The following CIMAP1D variants were observed in gnomAD, a reference collection of about 807,000 sequenced individuals.
The protein encoded by CIMAP1D is CIMAP1 family member D.
At chr19:466,702 T>C in the CIMAP1D span, among the ~76,000 whole-genome samples, 57 of 119,882 alleles carry the variant, frequency 4.8e-4, no homozygotes, top group East Asian at 8.2e-4. Flanking sequence ...GGATAGATGG[T>C]TGGGTGGAGG....
chr19:485,154 G>C, the CIMAP1D span, among the ~76,000 whole-genome samples: 1 of 152,138 alleles, frequency 6.6e-6, no homozygotes, highest in Non-Finnish European at 1.5e-5. Context: ...CTGCTGACCT[G>C]CTTAGTTGTT....
At chr19:474,678 C>T in the CIMAP1D span, 1 of 1,579,276 alleles carries the variant, frequency 6.3e-7, no homozygotes, top group East Asian at 2.3e-5. Flanking sequence ...GGAATCTGGC[C>T]CTCCGTCACT....
the CIMAP1D span, chr19:463,914 C>T: frequency 4.3e-5 from 70 of 1,611,450 alleles, no homozygotes; most frequent in African/African-American, 5.3e-5. Flanking sequence ...GGTGCTGGCC[C>T]GTTTCGAGTG....
At chr19:485,065 A>C in the CIMAP1D span, among the ~76,000 whole-genome samples, 4 of 150,894 alleles carry the variant, frequency 2.7e-5, no homozygotes, top group Non-Finnish European at 5.9e-5. Flanking sequence ...AGATTTTCTG[A>C]GACGCTGTGG....
chr19:476,622 G>C, the CIMAP1D span, among the ~76,000 whole-genome samples: 1 of 152,078 alleles, frequency 6.6e-6, no homozygotes, highest in Non-Finnish European at 1.5e-5. Flanking sequence ...TCTACATAAA[G>C]GATCATAAAA....
chr19:464,890 T>TGATG, the CIMAP1D span, among the ~76,000 whole-genome samples: 7,780 of 148,288 alleles, frequency 0.052, 281 homozygotes, highest in East Asian at 0.12. Context: ...GATGAGTGGA[T>TGATG]GATGGATGGA....
the CIMAP1D span, among the ~76,000 whole-genome samples, chr19:476,047 G>T: frequency 7.8e-6 from 1 of 128,490 alleles, no homozygotes; most frequent in Non-Finnish European, 1.6e-5. Flanking sequence ...CGCCCAGGCT[G>T]GAATGCAGTG....
chr19:475,418 C>G, the CIMAP1D span, among the ~76,000 whole-genome samples: 4 of 152,188 alleles, frequency 2.6e-5, no homozygotes, highest in Non-Finnish European at 5.9e-5. Flanking sequence ...TAAGTGAACA[C>G]AGTCTGGTGT....
the CIMAP1D span, among the ~76,000 whole-genome samples, chr19:486,829 A>G: frequency 1.3e-5 from 2 of 151,932 alleles, no homozygotes; most frequent in Non-Finnish European, 1.5e-5. Context: ...CAGAAGAATG[A>G]CGTGAACCCG....
the CIMAP1D span, among the ~76,000 whole-genome samples, chr19:479,411 T>TGGG: frequency 6.5e-3 from 215 of 32,970 alleles, 1 homozygote; most frequent in Non-Finnish European, 0.011. Context: ...TTTTTTTTTT[T>TGGG]GGGGGGGGGG....
chr19:464,254 G>T, the CIMAP1D span: 2 of 1,534,366 alleles, frequency 1.3e-6, no homozygotes, highest in Non-Finnish European at 1.8e-6. Flanking sequence ...GAGGTGTCCA[G>T]GGGCTTCAGG....
the CIMAP1D span, among the ~76,000 whole-genome samples, chr19:486,359 C>T: frequency 6.6e-6 from 1 of 152,150 alleles, no homozygotes; most frequent in African/African-American, 2.4e-5. Context: ...CGGTCCAACT[C>T]CCTCCCCCTC....
the CIMAP1D span, among the ~76,000 whole-genome samples, chr19:472,127 C>T: frequency 5.9e-5 from 9 of 152,230 alleles, no homozygotes; most frequent in Non-Finnish European, 1.2e-4. Context: ...GAATTGCAAA[C>T]ACGGTAAGGC....
the CIMAP1D span, among the ~76,000 whole-genome samples, chr19:477,981 G>A: frequency 5.9e-5 from 9 of 152,174 alleles, no homozygotes; most frequent in African/African-American, 1.9e-4. Flanking sequence ...CTCTCTACCT[G>A]AGATGCCTCT....
the CIMAP1D span, among the ~76,000 whole-genome samples, chr19:484,115 A>AT: frequency 1.4e-5 from 2 of 139,354 alleles, no homozygotes; most frequent in South Asian, 2.3e-4. Context: ...TGTTTTATTT[A>AT]TTTTTTTCTT....
At chr19:463,874 C>T in the CIMAP1D span, 45 of 1,610,414 alleles carry the variant, frequency 2.8e-5, no homozygotes, top group South Asian at 2.0e-4. Context: ...GCCTGTGCCC[C>T]GCAGGCCGGG....
the CIMAP1D span, chr19:474,566 G>A: frequency 1.8e-5 from 25 of 1,420,916 alleles, no homozygotes; most frequent in Non-Finnish European, 2.3e-5. Flanking sequence ...AGCCCCAGAA[G>A]TATGGGGAGT....
the CIMAP1D span, among the ~76,000 whole-genome samples, chr19:484,779 A>G: frequency 6.6e-6 from 1 of 152,024 alleles, no homozygotes; most frequent in South Asian, 2.1e-4. Flanking sequence ...GGCGGGGCTG[A>G]CCCAGCAGGT....
At chr19:483,260 A>G in the CIMAP1D span, among the ~76,000 whole-genome samples, 1 of 29,460 alleles carries the variant, frequency 3.4e-5, no homozygotes, top group East Asian at 6.9e-4. Context: ...TCCCCCCCCA[A>G]CACCCACCCC....
Sources: allele counts gnomAD v4.1 joint callset (sites outside exome capture counted in the v4.1 genomes callset), GRCh38; gene constraint gnomAD v4.1.1; transcripts MANE v1.5; gene names NCBI Gene and HGNC (gene_info 2026-07-23, HGNC 2026-07-21).